The following NTNG2 variants were observed in gnomAD, a reference collection of about 807,000 sequenced individuals.
The protein encoded by NTNG2 is netrin G2.
NTNG2 carries 15 observed loss-of-function variants against 47.6 expected under a neutral mutation model. The ratio of observed to expected loss-of-function variants is 0.32; its 90% confidence interval spans 0.21 to 0.49. The LOEUF (loss-of-function observed/expected upper bound fraction) is 0.49. Among genes scored for constraint, NTNG2 ranks in the 20% least tolerant of loss-of-function variants. The pLI, the probability that NTNG2 is intolerant of heterozygous loss-of-function variation, is 0.99. For synonymous variants in NTNG2, 307 were observed against 324.6 expected (o/e 0.95, Z 0.58); for missense variants, 578 against 764.6 (o/e 0.76, Z 2.88).
intron 6 of NTNG2, among the ~76,000 whole-genome samples, chr9:132,240,431 C>G (rs981206146): frequency 1.3e-5 from 2 of 152,238 alleles, no homozygotes; most frequent in Non-Finnish European, 2.9e-5. Context: ...CCACAGAGCC[C>G]CAAGGCAACC....
At chr9:132,173,717 G>A (rs552590486) in intron 2 of NTNG2, among the ~76,000 whole-genome samples, 1 of 151,984 alleles carries the variant, frequency 6.6e-6, no homozygotes, top group East Asian at 1.9e-4. Context: ...CAGACGGACA[G>A]ACAGGCAGGA....
chr9:132,235,499 T>C (rs1841554430), intron 5 of NTNG2, among the ~76,000 whole-genome samples: 1 of 152,202 alleles, frequency 6.6e-6, no homozygotes, highest in African/African-American at 2.4e-5. Context: ...TGGACCCAAT[T>C]CCTTTGGCCA....
Position 132,240,901 on chromosome 9 carries a change from T to C in NTNG2, c.1223-9T>C, listed in dbSNP as rs368757771. Reference sequence around the variant, plus strand: ...CCCTGACCGCGCGCCCGTGCCCGTGTCCGTCCAGAGTGTAACTGCAACCAG... The same window carrying C: ...CCCTGACCGCGCGCCCGTGCCCGTGCCCGTCCAGAGTGTAACTGCAACCAG... On this transcript the variant is annotated splice_polypyrimidine_tract_variant and intron_variant, in intron 6 of 7. Coordinates refer to ENST00000393229, the MANE Select transcript of NTNG2 (RefSeq NM_032536.4). 1.9e-6 allele frequency: 3 copies of C among 1,612,800 alleles called. No homozygotes were observed. Among genetic ancestry groups the C allele is most frequent in the East Asian group, 2.2e-5 (1 of 44,868 alleles).
chr9:132,195,434 G>A lies in NTNG2; in HGVS notation c.214-2532G>A, dbSNP rs973732979. 1.9e-4 allele frequency among the ~76,000 whole-genome samples: 29 copies of A among 149,054 alleles called. No individual in the cohort carries two copies. The South Asian group carries it at 3.8e-3, about 20-fold the overall frequency. On this transcript the variant is annotated intron_variant, in intron 2 of 7. Transcript: ENST00000393229. The stretch of plus-strand genomic sequence containing the variant: ...TGCCATTCTCCTGCCTCAGCCTCCC[G>A]AGTAGCTGGGACTACAGGCGCCCAC...
At chr9:132,214,063 C>T (rs1288287905) in intron 3 of NTNG2, among the ~76,000 whole-genome samples, 1 of 152,228 alleles carries the variant, frequency 6.6e-6, no homozygotes, top group East Asian at 1.9e-4. Context: ...GAGAGCCAGC[C>T]CTGGGGCCTC....
At chr9:132,175,355 G>T (rs1375463155) in intron 2 of NTNG2, among the ~76,000 whole-genome samples, 2 of 152,202 alleles carry the variant, frequency 1.3e-5, no homozygotes, top group Non-Finnish European at 2.9e-5. Context: ...AGGAGCAAGA[G>T]GGGCAGGAGG....
At chr9:132,186,341 T>C (rs1293915108) in intron 2 of NTNG2, among the ~76,000 whole-genome samples, 1 of 152,224 alleles carries the variant, frequency 6.6e-6, no homozygotes, top group East Asian at 1.9e-4. Context: ...GAAATCTGGC[T>C]GTGGGAAGAA....
intron 3 of NTNG2, among the ~76,000 whole-genome samples, chr9:132,210,585 G>A (rs2130822814): frequency 6.6e-6 from 1 of 152,298 alleles, no homozygotes; most frequent in South Asian, 2.1e-4. Context: ...TTCTGCCTGG[G>A]CCACTCCCTC....
At chr9:132,188,897 A>AT (rs1256548212) in intron 2 of NTNG2, among the ~76,000 whole-genome samples, 1 of 152,108 alleles carries the variant, frequency 6.6e-6, no homozygotes, top group African/African-American at 2.4e-5. Flanking sequence ...CGCTGCCCGC[A>AT]TGAAGCCTCC....
At chr9:132,237,058 C>T (rs1013635876) in intron 5 of NTNG2, among the ~76,000 whole-genome samples, 1 of 152,170 alleles carries the variant, frequency 6.6e-6, no homozygotes, top group Non-Finnish European at 1.5e-5. Context: ...TATCTAAAAA[C>T]AGTTTGGCTT....
Position 132,166,414 on chromosome 9 carries a change from T to G in NTNG2, c.-418T>G. On this transcript the variant is annotated 5_prime_UTR_variant, in exon 2 of 8. Transcript: ENST00000393229. ...ATTAAGAGCCCTTTAAAGACCTGGA[T>G]TGATTGGAAGGACAAAAATTAAAAG... is the stretch of plus-strand genomic sequence containing the variant. The G allele has an allele frequency of 4.2e-6, 1 of 235,378 alleles. No individual in the cohort carries two copies. The highest frequency in any genetic ancestry group is 8.6e-6 in the Non-Finnish European group (1 of 116,104). 14.6% of individuals were successfully genotyped at this position (235,378 alleles called of 1,614,324 possible).
chr9:132,206,314 C>T (rs1839162697), intron 3 of NTNG2, among the ~76,000 whole-genome samples: 1 of 152,172 alleles, frequency 6.6e-6, no homozygotes, highest in Admixed American at 6.5e-5. Flanking sequence ...GGTCCATGAT[C>T]CCAAAATATT....
At chr9:132,209,876 G>T (rs1839458798) in intron 3 of NTNG2, among the ~76,000 whole-genome samples, 1 of 149,358 alleles carries the variant, frequency 6.7e-6, no homozygotes, top group Non-Finnish European at 1.5e-5. Context: ...GTTGGCGTTG[G>T]GATGGGAAGA....
chr9:132,169,945 C>T (rs1259117159), intron 2 of NTNG2, among the ~76,000 whole-genome samples: 2 of 152,222 alleles, frequency 1.3e-5, no homozygotes, highest in Non-Finnish European at 2.9e-5. Flanking sequence ...AGCTTCCTCG[C>T]CTGCAGCCCC....
At position 132,207,970 on chromosome 9, in the gene NTNG2, G is replaced by A. The variant is rs544530972; in HGVS notation, c.857+9361G>A. Among the ~76,000 whole-genome samples, 10 of 152,272 alleles carry A rather than the reference G, an allele frequency of 6.6e-5. No individual in the cohort carries two copies. The South Asian group carries it at 2.1e-3, about 32-fold the overall frequency. ...AATACAAAAATTAGCCAGGCATGGT[G>A]GTGTGCGCCTGTGGTCTCAGATACC... On this transcript the variant is annotated intron_variant, in intron 3 of 7. Transcript: ENST00000393229.
rs1277724539 is a variant in NTNG2 at position 132,236,791 on chromosome 9, C to T, written c.1055-2313C>T. 2.0e-5 allele frequency among the ~76,000 whole-genome samples: 3 copies of T among 152,196 alleles called. No homozygotes were observed. The highest frequency in any genetic ancestry group is 1.3e-4 in the Admixed American group (2 of 15,292). On this transcript the variant is annotated intron_variant, in intron 5 of 7. Coordinates refer to ENST00000393229, the MANE Select transcript of NTNG2 (RefSeq NM_032536.4). The surrounding 1 kb of genome is among the most constrained non-coding windows in gnomAD (Gnocchi z 4.3). Reference sequence around the variant, plus strand: ...GTGGCCTGCTCACCCACAGATAGGGCGTTGGGGTCCCAGCGGGATTCTGGG... The same window carrying T: ...GTGGCCTGCTCACCCACAGATAGGGTGTTGGGGTCCCAGCGGGATTCTGGG...
chr9:132,201,625 A>T (rs993180499), intron 3 of NTNG2, among the ~76,000 whole-genome samples: 2 of 152,138 alleles, frequency 1.3e-5, no homozygotes, highest in Non-Finnish European at 2.9e-5. Flanking sequence ...TGTTCTGGGG[A>T]TTCCCTCAGA....
intron 2 of NTNG2, among the ~76,000 whole-genome samples, chr9:132,178,031 G>A (rs185298568): frequency 2.0e-5 from 3 of 152,324 alleles, no homozygotes; most frequent in Admixed American, 1.3e-4. Context: ...ATTCTGCACT[G>A]TAGAAACGAT....
Position 132,224,020 on chromosome 9 carries a change from A to T in NTNG2, c.858-2829A>T, listed in dbSNP as rs114669299. 8.7e-3 allele frequency among the ~76,000 whole-genome samples: 1,320 copies of T among 151,596 alleles called. 24 individuals are homozygous for T. Among genetic ancestry groups the T allele is most frequent in the African/African-American group, 0.03 (1,232 of 41,298 alleles). On this transcript the variant is annotated intron_variant, in intron 3 of 7. Coordinates refer to ENST00000393229, the MANE Select transcript of NTNG2 (RefSeq NM_032536.4). ...AAGGTTCTCCCCTTCTGGCCCGGCA[A>T]CTCTTGATCCTCCTTCAGGTCTTAG...
Sources: gnomAD v4.1 joint callset for allele counts (sites outside exome capture counted in the v4.1 genomes callset) on GRCh38, gnomAD v4.1.1 for gene constraint, Gnocchi (gnomAD v3.1) non-coding constraint, MANE v1.5 for transcripts, NCBI Gene and HGNC (gene_info 2026-07-23, HGNC 2026-07-21) for gene names.